Variants in HINFP observed in about 807,000 individuals in gnomAD.
HINFP encodes the protein histone H4 transcription factor.
Under a neutral mutation model 50.1 loss-of-function variants are expected in HINFP, and 20 were observed. That is an observed-to-expected ratio of 0.40 (90% CI 0.28 to 0.58). The LOEUF (loss-of-function observed/expected upper bound fraction) is 0.58. HINFP is among the 20% of genes least tolerant of loss of function. HINFP has a pLI of 0.45. For synonymous variants in HINFP, 247 were observed against 243.7 expected (o/e 1.01, Z -0.13); for missense variants, 505 against 664.1 (o/e 0.76, Z 2.63).
rs1437913819 is a variant in HINFP, at chr11:119,131,468, T to A, written c.412-67T>A. 1 of 1,074,168 alleles carries A rather than the reference T, an allele frequency of 9.3e-7. No individual in the cohort carries two copies. The highest frequency in any genetic ancestry group is 1.5e-6 in the Non-Finnish European group (1 of 687,958). 66.5% of individuals were successfully genotyped at this position (1,074,168 alleles called of 1,614,324 possible). On this transcript the variant is annotated intron_variant, in intron 3 of 9. Coordinates refer to ENST00000350777, the MANE Select transcript of HINFP (RefSeq NM_198971.3). This position sits in a 1 kb window ranked among gnomAD's most constrained non-coding sequence, Gnocchi z 4.2. ...TAATTTGGGAGAGAGCCAAGAATTCTTCGGGCACATAGGGGTGAGTCCCTC... is the reference window on the plus strand; with the variant it reads ...TAATTTGGGAGAGAGCCAAGAATTCATCGGGCACATAGGGGTGAGTCCCTC...
chr11:119,123,091 G>A (rs149703780), intron 1 of HINFP, among the ~76,000 whole-genome samples: 11,867 of 119,542 alleles, frequency 0.099, 653 homozygotes, highest in South Asian at 0.36. Flanking sequence ...TCACAGCACT[G>A]CACTCCAGCC....
At chr11:119,122,308 C>T (rs1947115093) in intron 1 of HINFP, among the ~76,000 whole-genome samples, 1 of 152,148 alleles carries the variant, frequency 6.6e-6, no homozygotes, top group African/African-American at 2.4e-5. Flanking sequence ...AGCTAGCTTG[C>T]CTCCTTGGAC....
At position 119,134,667 on chromosome 11, in the gene HINFP, TC is replaced by T. The variant is rs1439987969; in HGVS notation, c.*172del. 1 of 546,716 alleles carries T rather than the reference TC, an allele frequency of 1.8e-6. No homozygotes were observed. Among genetic ancestry groups the T allele is most frequent in the Non-Finnish European group, 3.2e-6 (1 of 312,172 alleles). 33.9% of individuals were successfully genotyped at this position (546,716 alleles called of 1,614,324 possible). ...CATCATTCTGCAGACTCTAAAGACT[TC>T]CCTTTTCTGCCAGACTACATTTTGT... On this transcript the variant is annotated 3_prime_UTR_variant, in exon 10 of 10. Transcript: ENST00000350777. This position sits in a 1 kb window ranked among gnomAD's most constrained non-coding sequence, Gnocchi z 4.3.
In HINFP at chr11:119,131,016, T is replaced by C; in HGVS notation, c.411+62T>C. 7.5e-7 allele frequency: 1 copy of C among 1,329,204 alleles called. No homozygotes were observed. The highest frequency in any genetic ancestry group is 1.1e-6 in the Non-Finnish European group (1 of 921,140). The allele number at this position is 1,329,204 out of a possible 1,614,324, so 82.3% of individuals were successfully genotyped here. A position where few individuals can be genotyped will look rare whatever the true frequency, so the allele number is the denominator to read the frequency against. Reference sequence around the variant, plus strand: ...GCTGGGGGTCTTAACTCTGATGCCTTGTCCCTTTCAGGGATGCCTTATATT... The same window carrying C: ...GCTGGGGGTCTTAACTCTGATGCCTCGTCCCTTTCAGGGATGCCTTATATT... On this transcript the variant is annotated intron_variant, in intron 3 of 9. Transcript: ENST00000350777. The surrounding 1 kb of genome is among the most constrained non-coding windows in gnomAD (Gnocchi z 4.2).
intron 2 of HINFP, 71 bp from the exon 3 acceptor site, chr11:119,130,654 A>G: frequency 1.5e-6 from 2 of 1,349,062 alleles, no homozygotes; most frequent in Non-Finnish European, 2.1e-6. Flanking sequence ...CTCTCTGTTT[A>G]GTGCTGCAGG....
chr11:119,121,666 G>GGCTGCAGGA (rs1166841521), intron 1 of HINFP, 27 bp downstream of exon 1: 4 of 152,470 alleles, frequency 2.6e-5, no homozygotes, highest in African/African-American at 9.6e-5. Flanking sequence ...GCTCTGCAGG[G>GGCTGCAGGA]GCTGCAGGAG....
rs899110258 is a variant in HINFP, at chr11:119,131,481, G to A, written c.412-54G>A. 8 of 1,198,678 alleles carry A rather than the reference G, an allele frequency of 6.7e-6. No homozygotes were observed. In the African/African-American group the frequency reaches 1.2e-4, roughly 18 times the overall value. 74.3% of individuals were successfully genotyped at this position (1,198,678 alleles called of 1,614,324 possible). ...AGCCAAGAATTCTTCGGGCACATAG[G>A]GGTGAGTCCCTCTACCCACCCTCAG... On this transcript the variant is annotated intron_variant, in intron 3 of 9. Coordinates refer to ENST00000350777, the MANE Select transcript of HINFP (RefSeq NM_198971.3). The surrounding 1 kb of genome is among the most constrained non-coding windows in gnomAD (Gnocchi z 4.2).
chr11:119,132,201 C>A, intron 5 of HINFP: 1 of 624,152 alleles, frequency 1.6e-6, no homozygotes, highest in Non-Finnish European at 2.8e-6. Context: ...GGAATCCTCA[C>A]AACAGCCCCA....
intron 1 of HINFP, chr11:119,124,943 G>T (rs1344764959): frequency 6.6e-6 from 1 of 151,654 alleles, no homozygotes; most frequent in Admixed American, 6.6e-5. Flanking sequence ...CTGCATTCCA[G>T]CCTGGGTAAC....
rs1259729797 is a variant in HINFP at position 119,132,794 on chromosome 11, A to G, written c.875+13A>G. ...GTTGTGACTACAGGTAAGGGGGACC[A>G]GGGACCAGAAAACAGCTCATGTTCC... On this transcript the variant is annotated intron_variant, in intron 7 of 9. Coordinates refer to ENST00000350777, the MANE Select transcript of HINFP (RefSeq NM_198971.3). 6.2e-7 allele frequency: 1 copy of G among 1,613,676 alleles called. No homozygotes were observed. Among genetic ancestry groups the G allele is most frequent in the South Asian group, 1.1e-5 (1 of 91,078 alleles).
chr11:119,124,782 T>C (rs777475008), intron 1 of HINFP: 3 of 151,984 alleles, frequency 2.0e-5, no homozygotes, highest in Non-Finnish European at 4.4e-5. Context: ...GAGACCAGCC[T>C]GGCCATCATG....
intron 6 of HINFP, 26 bp downstream of exon 6, chr11:119,132,599 C>A (rs1288973808): frequency 6.2e-7 from 1 of 1,613,948 alleles, no homozygotes; most frequent in Non-Finnish European, 8.5e-7. Flanking sequence ...CCCACAGCCT[C>A]CCTCCTGCCC....
rs905136301 is a variant in HINFP at position 119,134,935 on chromosome 11, C to T, written c.*437C>T. 6.3e-5 allele frequency: 10 copies of T among 158,720 alleles called. No individual in the cohort carries two copies. The highest frequency in any genetic ancestry group is 2.4e-4 in the African/African-American group (10 of 41,632). The allele number at this position is 158,720 out of a possible 1,614,324, so 9.8% of individuals were successfully genotyped here. On this transcript the variant is annotated 3_prime_UTR_variant, in exon 10 of 10. Transcript: ENST00000350777. This position sits in a 1 kb window ranked among gnomAD's most constrained non-coding sequence, Gnocchi z 4.3. ...TTGATAACCAAGTAGCCATTTTCCTCTTAAGGTTTCCTCTACAACCCCAAG... is the reference window on the plus strand; with the variant it reads ...TTGATAACCAAGTAGCCATTTTCCTTTTAAGGTTTCCTCTACAACCCCAAG...
chr11:119,130,554 A>C (rs1379064408), intron 2 of HINFP, 171 bp from the exon 3 acceptor site: 1 of 607,296 alleles, frequency 1.6e-6, no homozygotes, highest in East Asian at 2.8e-5. Flanking sequence ...TAACTGGCAC[A>C]CAATTTATGG....
intron 2 of HINFP, among the ~76,000 whole-genome samples, chr11:119,127,699 C>T (rs1430568271): frequency 6.6e-6 from 1 of 151,580 alleles, no homozygotes; most frequent in African/African-American, 2.4e-5. Context: ...CACCACCACA[C>T]GCCAATTTTT....
At position 119,132,661 on chromosome 11, in the gene HINFP, T is replaced by A; in HGVS notation, c.755T>A (p.Val252Glu). ...ACAGCCTCCTCTCTGCTTCTCTCAG[T>A]GAATCACTATAAGTGCCCTCTGTGT... ...RLLRDHMRNH[V>E]NHYKCPLCDM... The change falls in exon 7 of 10, where the codon GTG becomes GAG. Residue 252 changes from valine (V) to glutamate (E), a missense_variant and splice_region_variant. Coordinates refer to ENST00000350777, the MANE Select transcript of HINFP (RefSeq NM_198971.3). 1 of 1,614,112 alleles carries A rather than the reference T, an allele frequency of 6.2e-7. No homozygotes were observed. Among genetic ancestry groups the A allele is most frequent in the Non-Finnish European group, 8.5e-7 (1 of 1,180,024 alleles).
chr11:119,122,214 CAGAA>C (rs760818810), intron 1 of HINFP, among the ~76,000 whole-genome samples: 5 of 152,192 alleles, frequency 3.3e-5, no homozygotes, highest in Middle Eastern at 6.8e-3. Context: ...ACAAGAGACA[CAGAA>C]AGAGAAATTA....
chr11:119,129,320 TGAGCCACTGC>T (rs1452074603), intron 2 of HINFP, among the ~76,000 whole-genome samples: 56 of 151,632 alleles, frequency 3.7e-4, no homozygotes, highest in African/African-American at 1.3e-3. Context: ...ATTACAGGCG[TGAGCCACTGC>T]GCCCGACCAA....
At chr11:119,123,523 A>G (rs1744636760) in intron 1 of HINFP, among the ~76,000 whole-genome samples, 1 of 150,270 alleles carries the variant, frequency 6.7e-6, no homozygotes, top group South Asian at 2.1e-4. Flanking sequence ...TTATAAAAGC[A>G]GTCAATATTC....
Sources: allele counts gnomAD v4.1 joint callset (sites outside exome capture counted in the v4.1 genomes callset), GRCh38; gene constraint gnomAD v4.1.1; non-coding constraint Gnocchi (gnomAD v3.1); transcripts MANE v1.5; gene names NCBI Gene and HGNC (gene_info 2026-07-23, HGNC 2026-07-21).